The following KATNA1 variants were observed in gnomAD, a reference collection of about 807,000 sequenced individuals.
KATNA1 encodes the protein katanin p60 ATPase-containing subunit A1.
Under a neutral mutation model 62.6 loss-of-function variants are expected in KATNA1, and 42 were observed. The ratio of observed to expected loss-of-function variants is 0.67; its 90% CI spans 0.52 to 0.87. KATNA1 has a LOEUF of 0.87. KATNA1 is among the 40% of genes least tolerant of loss of function. The probability of loss-of-function intolerance (pLI) is 0.00; values close to 1 mark genes in which losing one functional copy is unlikely to be tolerated. For missense variants in KATNA1, 498 were observed against 612.5 expected (o/e 0.81, Z 1.97); for synonymous variants, 186 against 201.9 (o/e 0.92, Z 0.67).
intron 4 of KATNA1, among the ~76,000 whole-genome samples, chr6:149,612,496 G>A (rs1779000351): frequency 6.6e-6 from 1 of 152,116 alleles, no homozygotes; most frequent in Admixed American, 6.5e-5. Context: ...GTGACAGAGT[G>A]AGACCCTGTC....
chr6:149,640,959 C>T (rs150160968), intron 1 of KATNA1, among the ~76,000 whole-genome samples: 3,122 of 152,216 alleles, frequency 0.021, 129 homozygotes, highest in African/African-American at 0.071. Flanking sequence ...CAACCTCCGC[C>T]TCTCGGGTTC....
intron 8 of KATNA1, chr6:149,597,939 G>GC (rs1283079964): frequency 4.3e-6 from 2 of 460,774 alleles, no homozygotes; most frequent in Non-Finnish European, 7.6e-6. Flanking sequence ...CAATTTATCT[G>GC]CATTTATTTT....
intron 3 of KATNA1, among the ~76,000 whole-genome samples, chr6:149,632,292 T>C (rs929658184): frequency 2.0e-5 from 3 of 151,604 alleles, no homozygotes; most frequent in Non-Finnish European, 2.9e-5. Flanking sequence ...GGGAAGTCAC[T>C]TGAACCCGGG....
Position 149,618,591 on chromosome 6 carries a change from T to C in KATNA1, c.501+4512A>G, listed in dbSNP as rs529096898. Among the ~76,000 whole-genome samples, 6 of 152,284 alleles carry C rather than the reference T, an allele frequency of 3.9e-5. No individual in the cohort carries two copies. In the South Asian group the frequency reaches 1.2e-3, roughly 32 times the overall value. On this transcript the variant is annotated intron_variant, in intron 4 of 10. Transcript: ENST00000367411. The stretch of plus-strand genomic sequence containing the variant: ...CACACTACTTGACCCTAAACTGCAA[T>C]GCTCTAGTAACCAAAACAGCATGGT...
chr6:149,641,193 T>C (rs563276545), intron 1 of KATNA1, among the ~76,000 whole-genome samples: 13 of 143,764 alleles, frequency 9.0e-5, no homozygotes, highest in South Asian at 4.6e-4. Context: ...TTTTTTTTTT[T>C]TGAGATGGAG....
chr6:149,597,791 C>G, intron 8 of KATNA1, 150 bp from the exon 9 acceptor site: 2 of 669,424 alleles, frequency 3.0e-6, no homozygotes, highest in Non-Finnish European at 5.0e-6. Context: ...TAACTGGTAC[C>G]TATGTGAATT....
At chr6:149,627,527 CAA>C (rs796916643) in intron 3 of KATNA1, among the ~76,000 whole-genome samples, 17 of 69,568 alleles carry the variant, frequency 2.4e-4, no homozygotes, top group South Asian at 8.3e-4. Context: ...GACTCCATCT[CAA>C]AAAAAAAAAA....
intron 4 of KATNA1, among the ~76,000 whole-genome samples, chr6:149,618,874 T>C (rs1173010035): frequency 1.3e-5 from 2 of 152,048 alleles, no homozygotes; most frequent in Non-Finnish European, 2.9e-5. Flanking sequence ...AACTATGAAA[T>C]TATTAGAAGA....
chr6:149,607,714 T>C (rs1454741295), intron 4 of KATNA1, among the ~76,000 whole-genome samples: 2 of 152,310 alleles, frequency 1.3e-5, no homozygotes, highest in African/African-American at 4.8e-5. Context: ...CCTTTTTTCA[T>C]GCTCAAAATA....
At chr6:149,628,899 A>C (rs9505823) in intron 3 of KATNA1, among the ~76,000 whole-genome samples, 69,758 of 151,624 alleles carry the variant, frequency 0.46, 17,325 homozygotes, top group East Asian at 0.81. Context: ...TAAAAAGAAT[A>C]TTAAAAGATG....
chr6:149,606,191 T>C (rs1195993727), intron 4 of KATNA1, among the ~76,000 whole-genome samples: 1 of 152,180 alleles, frequency 6.6e-6, no homozygotes, highest in Non-Finnish European at 1.5e-5. Context: ...AGAAACTGTG[T>C]AACAGGGCCC....
At chr6:149,643,284 C>T (rs1213884361) in intron 1 of KATNA1, among the ~76,000 whole-genome samples, 1 of 152,178 alleles carries the variant, frequency 6.6e-6, no homozygotes, top group Non-Finnish European at 1.5e-5. Context: ...CTGGCCAATA[C>T]CTGATCACAG....
intron 4 of KATNA1, among the ~76,000 whole-genome samples, chr6:149,614,608 C>T (rs906450870): frequency 6.6e-6 from 1 of 151,910 alleles, no homozygotes; most frequent in African/African-American, 2.4e-5. Flanking sequence ...CCTGTCTCTA[C>T]AAAAAAGATG....
chr6:149,620,577 A>G (rs541326690), intron 4 of KATNA1, among the ~76,000 whole-genome samples: 1 of 152,338 alleles, frequency 6.6e-6, no homozygotes, highest in Admixed American at 6.5e-5. Flanking sequence ...TACAGGAGTG[A>G]GCCAACATGC....
At chr6:149,644,826 A>G (rs1169941106) in intron 1 of KATNA1, among the ~76,000 whole-genome samples, 1 of 152,200 alleles carries the variant, frequency 6.6e-6, no homozygotes, top group East Asian at 1.9e-4. Context: ...ATATTTTCTA[A>G]CAAACATGAA....
intron 1 of KATNA1, among the ~76,000 whole-genome samples, chr6:149,643,534 T>C (rs1431683257): frequency 1.3e-5 from 2 of 152,182 alleles, no homozygotes. Flanking sequence ...CCTGGATTCA[T>C]GACCACTGAT....
intron 1 of KATNA1, among the ~76,000 whole-genome samples, chr6:149,646,099 T>G (rs1780477963): frequency 6.6e-6 from 1 of 152,168 alleles, no homozygotes; most frequent in Admixed American, 6.5e-5. Context: ...TAACATAATG[T>G]GCATGGGTCA....
At chr6:149,617,567 C>T (rs1779210104) in intron 4 of KATNA1, among the ~76,000 whole-genome samples, 3 of 151,998 alleles carry the variant, frequency 2.0e-5, no homozygotes, top group African/African-American at 7.3e-5. Context: ...TTTGGGAGGC[C>T]GAGGCGGGCG....
chr6:149,617,989 A>ATAAAATAAATAAATAAATATAT (rs1398912525), intron 4 of KATNA1, among the ~76,000 whole-genome samples: 2 of 141,678 alleles, frequency 1.4e-5, no homozygotes, highest in East Asian at 4.3e-4. Flanking sequence ...TAAATAAATA[A>ATAAAATAAATAAATAAATATAT]ATATATATAT....
Sources: gnomAD v4.1 joint callset for allele counts (sites outside exome capture counted in the v4.1 genomes callset) on GRCh38, gnomAD v4.1.1 for gene constraint, MANE v1.5 for transcripts, NCBI Gene and HGNC (gene_info 2026-07-23, HGNC 2026-07-21) for gene names.